The following FSD1L variants were observed in gnomAD, a reference collection of about 807,000 sequenced individuals.
FSD1L encodes FSD1-like protein.
FSD1L carries 45 observed loss-of-function variants against 71.6 expected under a neutral mutation model. The ratio of observed to expected loss-of-function variants is 0.63; its 90% confidence interval spans 0.49 to 0.81. The LOEUF (loss-of-function observed/expected upper bound fraction) is 0.81. Ranked by LOEUF, FSD1L falls within the 30% of genes least tolerant of loss-of-function variation. The pLI is 0.00. For missense variants in FSD1L, 561 were observed against 618.1 expected, an observed-to-expected ratio of 0.91 and a Z score of 0.98; for synonymous variants, 197 against 207.2, an observed-to-expected ratio of 0.95 and a Z score of 0.42.
chr9:105,489,208 C>T (rs1012276021), intron 7 of FSD1L, among the ~76,000 whole-genome samples: 1 of 152,042 alleles, frequency 6.6e-6, no homozygotes, highest in East Asian at 1.9e-4. Flanking sequence ...AATCCTCCCA[C>T]CTATTAGGTA....
rs148248305 is a variant in FSD1L, at chr9:105,486,005, A to G, written c.586+1503A>G. Among the ~76,000 whole-genome samples the G allele has an allele frequency of 5.1e-3, 752 of 147,570 alleles. 5 individuals are homozygous for G. Among genetic ancestry groups the G allele is most frequent in the Admixed American group, 7.6e-3 (115 of 15,158 alleles). On this transcript the variant is annotated intron_variant, in intron 7 of 13. Transcript: ENST00000481272. ...ATGGAACCATTCCTTTTTTCCTTGAATATATGGTCAGTGACTTTAAAATAC... is the reference window on the plus strand; with the variant it reads ...ATGGAACCATTCCTTTTTTCCTTGAGTATATGGTCAGTGACTTTAAAATAC...
chr9:105,523,665 A>G (rs1024776590), intron 10 of FSD1L: 18 of 1,601,910 alleles, frequency 1.1e-5, no homozygotes, highest in Non-Finnish European at 1.4e-5. Flanking sequence ...AACCATGTTG[A>G]CTGATAAATA....
Position 105,480,463 on chromosome 9 carries a change from T to C in FSD1L, c.464+1087T>C, listed in dbSNP as rs565129982. On this transcript the variant is annotated intron_variant, in intron 6 of 13. Coordinates refer to ENST00000481272, the MANE Select transcript of FSD1L (RefSeq NM_001145313.3). ...TGTGCCACCACACCCAGCTAATTTT[T>C]GTATTTTTTGTAGAAACAGGGTCTT... 1.4e-4 allele frequency among the ~76,000 whole-genome samples: 21 copies of C among 152,286 alleles called. No homozygotes were observed. In the South Asian group the frequency reaches 4.1e-3, roughly 30 times the overall value.
At chr9:105,522,304 A>C in intron 10 of FSD1L, 1 of 1,613,968 alleles carries the variant, frequency 6.2e-7, no homozygotes, top group Non-Finnish European at 8.5e-7. Flanking sequence ...GATCTCAGTG[A>C]TTTACCATTG....
chr9:105,517,335 A>G (rs1429985767), intron 10 of FSD1L, among the ~76,000 whole-genome samples: 1 of 152,164 alleles, frequency 6.6e-6, no homozygotes, highest in East Asian at 1.9e-4. Flanking sequence ...CACCACAAAC[A>G]TACTCCTCAA....
rs141686507 is a variant in FSD1L, at chr9:105,528,313, C to A, written c.1026-6180C>A. ...TACTTTAAACTTCATATGGAACCGC[C>A]CGCATAGAGAAGACAATCTTAAGCA... On this transcript the variant is annotated intron_variant, in intron 10 of 13. Coordinates refer to ENST00000481272, the MANE Select transcript of FSD1L (RefSeq NM_001145313.3). Among the ~76,000 whole-genome samples, 1,401 of 151,298 alleles carry A rather than the reference C, an allele frequency of 9.3e-3. 22 individuals carry two copies. The highest frequency in any genetic ancestry group is 0.032 in the African/African-American group (1,342 of 41,434).
rs1280244616 is a variant in FSD1L at position 105,535,318 on chromosome 9, G to A, written c.1378G>A (p.Gly460Ser). The A allele has an allele frequency of 2.6e-6, 4 of 1,551,110 alleles. No homozygotes were observed. The highest frequency in any genetic ancestry group is 3.5e-6 in the Non-Finnish European group (4 of 1,146,786). The stretch of plus-strand genomic sequence containing the variant: ...AGGTGTATTTTGTGATTTTGATGGG[G>A]GTAAGTTTATTTTCTCGTAGGTTAT... ...KIGVFCDFDG[G>S]QLSFYDANSK... Residue 460 changes from glycine (G) to serine (S), a missense_variant and splice_region_variant, in exon 12 of 14, where the codon GGT (glycine) becomes AGT (serine). Transcript: ENST00000481272.
Position 105,448,158 on chromosome 9 carries a change from C to T in FSD1L, c.-63C>T. 2 of 1,518,916 alleles carry T rather than the reference C, an allele frequency of 1.3e-6. No homozygotes were observed. The highest frequency in any genetic ancestry group is 1.8e-6 in the Non-Finnish European group (2 of 1,121,342). 94.1% of individuals were successfully genotyped at this position (1,518,916 alleles called of 1,614,324 possible). A position where few individuals can be genotyped will look rare whatever the true frequency, so the allele number is the denominator to read the frequency against. ...GTAGCGGTCTTGGGGTGTGCGATCT[C>T]GCTGAGCCTCCTCACACGGTTCGTC... On this transcript the variant is annotated 5_prime_UTR_variant, in exon 1 of 14. Transcript: ENST00000481272.
chr9:105,456,056 G>T (rs554606304), intron 1 of FSD1L, among the ~76,000 whole-genome samples: 2 of 152,310 alleles, frequency 1.3e-5, no homozygotes, highest in Non-Finnish European at 2.9e-5. Flanking sequence ...CTGATTTGGG[G>T]TTATAACCTG....
At position 105,448,236 on chromosome 9, in the gene FSD1L, G is replaced by T; in HGVS notation, c.15+1G>T. ...GCCACTCGCCATGGACTCCCAGAAA[G>T]TAAGCGGGGGAGGGGAGCCCGGGGC... On this transcript the variant is annotated splice_donor_variant, in intron 1 of 13. Coordinates refer to ENST00000481272, the MANE Select transcript of FSD1L (RefSeq NM_001145313.3). LOFTEE classifies it high-confidence loss of function. The T allele has an allele frequency of 3.3e-6, 5 of 1,521,676 alleles. No individual in the cohort carries two copies. The highest frequency in any genetic ancestry group is 4.4e-6 in the Non-Finnish European group (5 of 1,130,340). The allele number at this position is 1,521,676 out of a possible 1,614,324, so 94.3% of individuals were successfully genotyped here.
chr9:105,506,537 T>C lies in FSD1L; in HGVS notation c.725T>C (p.Leu242Pro). The C allele has an allele frequency of 1.3e-6, 2 of 1,551,422 alleles. No individual in the cohort carries two copies. Among genetic ancestry groups the C allele is most frequent in the Non-Finnish European group, 1.7e-6 (2 of 1,146,762 alleles). Residue 242 changes from leucine to proline, a missense_variant, in exon 8 of 14, where the codon CTT becomes CCT. Physicochemically the swap from Leu to Pro is moderately conservative, Grantham distance 98. Transcript: ENST00000481272. ...LEHRKTNFDG[L>P]PRVKDERCWE... The stretch of plus-strand genomic sequence containing the variant: ...CATAGGAAGACTAATTTTGATGGAC[T>C]TCCACGTGTAAAGGATGAGCGATGC...
chr9:105,515,785 A>C (rs1834679053), intron 10 of FSD1L, among the ~76,000 whole-genome samples: 1 of 147,312 alleles, frequency 6.8e-6, no homozygotes, highest in African/African-American at 2.6e-5. Context: ...CTAGCTGCAG[A>C]AGGTTTTTTT....
intron 2 of FSD1L, among the ~76,000 whole-genome samples, chr9:105,462,291 C>G (rs1830753887): frequency 6.7e-6 from 1 of 150,118 alleles, no homozygotes; most frequent in Non-Finnish European, 1.5e-5. Context: ...TCTCGGCTCA[C>G]TGCAACCTCC....
intron 1 of FSD1L, among the ~76,000 whole-genome samples, chr9:105,453,746 A>G (rs1830198643): frequency 6.6e-6 from 1 of 152,158 alleles, no homozygotes; most frequent in South Asian, 2.1e-4. Context: ...ATTTTAACAT[A>G]GTGCTTGTTT....
At chr9:105,490,609 G>T (rs1832863400) in intron 7 of FSD1L, among the ~76,000 whole-genome samples, 1 of 143,298 alleles carries the variant, frequency 7.0e-6, no homozygotes, top group Non-Finnish European at 1.5e-5. Flanking sequence ...GTAATGCCTA[G>T]GTTTTCTTCT....
At chr9:105,508,544 G>T (rs1564124833) in intron 8 of FSD1L, 73 bp from the exon 9 acceptor site, 2 of 830,580 alleles carry the variant, frequency 2.4e-6, no homozygotes, top group Non-Finnish European at 4.0e-6. Context: ...AATGCCTGAA[G>T]GCTCATACTC....
chr9:105,506,600 C>T lies in FSD1L; in HGVS notation c.788C>T (p.Thr263Ile), dbSNP rs991555075. 6 of 1,532,626 alleles carry T rather than the reference C, an allele frequency of 3.9e-6. No individual in the cohort carries two copies. The African/African-American group carries it at 8.3e-5, about 21-fold the overall frequency. 94.9% of individuals were successfully genotyped at this position (1,532,626 alleles called of 1,614,324 possible). A position where few individuals can be genotyped will look rare whatever the true frequency, so the allele number is the denominator to read the frequency against. The change falls in exon 8 of 14, where the codon ACA becomes ATA. Residue 263 changes from threonine (T) to isoleucine (I), a missense_variant. By Grantham distance (89) the Thr-to-Ile change is moderately conservative (BLOSUM62 -1). Transcript: ENST00000481272. ...GATAATATTAAGGGTACTGAATATA[C>T]ACTATCAGGTAACATGACTGCATTT... is the stretch of plus-strand genomic sequence containing the variant. ...IIDNIKGTEY[T>I]LSGLKFDSKY... is the part of the protein sequence containing the mutation.
intron 8 of FSD1L, among the ~76,000 whole-genome samples, chr9:105,507,597 G>C (rs1204901817): frequency 6.6e-6 from 1 of 152,144 alleles, no homozygotes; most frequent in African/African-American, 2.4e-5. Context: ...TAGTAATCCA[G>C]ACTGTACTTC....
At position 105,547,015 on chromosome 9, in the gene FSD1L, T is replaced by G. The variant is rs1837044318; in HGVS notation, c.*532T>G. On this transcript the variant is annotated 3_prime_UTR_variant, in exon 14 of 14. Transcript: ENST00000481272. ...TATTTTTCCTCTTTTATAAATAAGT[T>G]TTACAAAATTTTCCTCTTTTGTTTA... 6.6e-6 allele frequency: 1 copy of G among 152,052 alleles called. No individual in the cohort carries two copies. Among genetic ancestry groups the G allele is most frequent in the South Asian group, 2.1e-4 (1 of 4,830 alleles). The allele number at this position is 152,052 out of a possible 1,614,324, so 9.4% of individuals were successfully genotyped here. A position where few individuals can be genotyped will look rare whatever the true frequency, so the allele number is the denominator to read the frequency against.
Sources: gnomAD v4.1 joint callset for allele counts (sites outside exome capture counted in the v4.1 genomes callset) on GRCh38, gnomAD v4.1.1 for gene constraint, MANE v1.5 for transcripts, NCBI Gene and HGNC (gene_info 2026-07-23, HGNC 2026-07-21) for gene names.